CDH5: variants seen among roughly 807,000 people sequenced by gnomAD.
CDH5 encodes the protein cadherin 5.
In CDH5, 28 loss-of-function variants were observed where a neutral mutation model predicts 62.0. That is an observed-to-expected ratio of 0.45 (90% CI 0.33 to 0.62). The LOEUF (loss-of-function observed/expected upper bound fraction) is 0.62. CDH5 is among the 20% of genes least tolerant of loss of function. The probability of loss-of-function intolerance (pLI) is 0.02; values close to 1 mark genes in which losing one functional copy is unlikely to be tolerated. For missense variants in CDH5, 940 were observed against 1,065.1 expected, an observed-to-expected ratio of 0.88 and a Z score of 1.63; for synonymous variants, 464 against 445.8, an observed-to-expected ratio of 1.04 and a Z score of -0.52.
At chr16:66,388,138 G>C (rs1056559409) in intron 3 of CDH5, among the ~76,000 whole-genome samples, 186 bp from the exon 4 acceptor site, 1 of 152,050 alleles carries the variant, frequency 6.6e-6, no homozygotes, top group Non-Finnish European at 1.5e-5. Flanking sequence ...TGACCTGGCT[G>C]GGCCCCCACT....
In CDH5 at chr16:66,398,108, T is replaced by C. The variant is rs1033106635; in HGVS notation, c.1485+2T>C. On this transcript the variant is annotated splice_donor_variant, in intron 9 of 11. Coordinates refer to ENST00000341529, the MANE Select transcript of CDH5 (RefSeq NM_001795.5). LOFTEE classifies it high-confidence loss of function. The stretch of plus-strand genomic sequence containing the variant: ...TGTGAGAACGCTGTCCATGGCCAGG[T>C]GAGTCTGGTTCAGGTGGGAGGGGAA... 2.0e-5 allele frequency: 33 copies of C among 1,614,112 alleles called. No homozygotes were observed. The highest frequency in any genetic ancestry group is 2.8e-5 in the Non-Finnish European group (33 of 1,180,022).
intron 10 of CDH5, among the ~76,000 whole-genome samples, chr16:66,399,590 T>A (rs761040100): frequency 6.6e-6 from 1 of 152,140 alleles, no homozygotes; most frequent in Non-Finnish European, 1.5e-5. Context: ...TGACAGTCAA[T>A]GACAGACCAT....
chr16:66,369,535 AG>A (rs897310571), intron 1 of CDH5, among the ~76,000 whole-genome samples: 2 of 152,322 alleles, frequency 1.3e-5, no homozygotes, highest in African/African-American at 4.8e-5. Flanking sequence ...GCAGCTGGGC[AG>A]GTTCAAATAG....
Position 66,392,123 on chromosome 16 carries a change from T to C in CDH5, c.970-13T>C. 6.2e-7 allele frequency: 1 copy of C among 1,613,936 alleles called. No homozygotes were observed. The highest frequency in any genetic ancestry group is 8.5e-7 in the Non-Finnish European group (1 of 1,179,930). On this transcript the variant is annotated splice_polypyrimidine_tract_variant and intron_variant, in intron 6 of 11. Coordinates refer to ENST00000341529, the MANE Select transcript of CDH5 (RefSeq NM_001795.5). ...CCCAGAGCAGGCACTCACCATCCTTTTTCCTTACGCAGCCTCTGGATTATG... is the reference window on the plus strand; with the variant it reads ...CCCAGAGCAGGCACTCACCATCCTTCTTCCTTACGCAGCCTCTGGATTATG...
chr16:66,370,455 C>T (rs1960667067), intron 1 of CDH5, among the ~76,000 whole-genome samples: 1 of 152,150 alleles, frequency 6.6e-6, no homozygotes, highest in South Asian at 2.1e-4. Flanking sequence ...AACAATTGTA[C>T]CTACTCTGAC....
chr16:66,402,636 G>C lies in CDH5; in HGVS notation c.1838-16G>C, dbSNP rs1376245862. On this transcript the variant is annotated splice_polypyrimidine_tract_variant and intron_variant, in intron 11 of 11. Transcript: ENST00000341529. Reference sequence around the variant, plus strand: ...CCAGCCTTGTCTGACTCTGCTGCTCGGCTCCCTGGCTGCAGTGATCACCCT... The same window carrying C: ...CCAGCCTTGTCTGACTCTGCTGCTCCGCTCCCTGGCTGCAGTGATCACCCT... 1.3e-6 allele frequency: 2 copies of C among 1,553,180 alleles called. No homozygotes were observed. Among genetic ancestry groups the C allele is most frequent in the Admixed American group, 1.8e-5 (1 of 54,070 alleles).
intron 6 of CDH5, 124 bp from the exon 7 acceptor site, chr16:66,392,010 CCA>C: frequency 8.7e-7 from 1 of 1,148,482 alleles, no homozygotes. Context: ...CTTGTCGAGG[CCA>C]TGGGCCCCTC....
chr16:66,396,350 G>A, intron 8 of CDH5, 149 bp downstream of exon 8: 2 of 890,540 alleles, frequency 2.2e-6, no homozygotes, highest in Admixed American at 2.6e-5. Context: ...GAGCTCCCAT[G>A]CCCAAGTGTG....
At chr16:66,380,018 G>T (rs1380192192) in intron 2 of CDH5, among the ~76,000 whole-genome samples, 7 of 5,104 alleles carry the variant, frequency 1.4e-3, no homozygotes, top group South Asian at 0.014. Flanking sequence ...GGGGTAGGTG[G>T]TGGTGGTGAT....
intron 11 of CDH5, among the ~76,000 whole-genome samples, chr16:66,401,854 T>C (rs1961288881): frequency 6.6e-6 from 1 of 152,144 alleles, no homozygotes; most frequent in Non-Finnish European, 1.5e-5. Flanking sequence ...GAGGAAGCCC[T>C]CAGGTGATTA....
intron 7 of CDH5, chr16:66,395,497 T>C (rs2142337260): frequency 8.3e-6 from 1 of 121,112 alleles, no homozygotes; most frequent in South Asian, 2.9e-4. Context: ...AGGAAACTTT[T>C]CTTTTCTTTT....
Position 66,387,064 on chromosome 16 carries a change from T to C in CDH5, c.466T>C (p.Phe156Leu), listed in dbSNP as rs200571244. The change falls in exon 3 of 12, where the codon TTC becomes CTC. Residue 156 changes from phenylalanine to leucine, a missense_variant. Transcript: ENST00000341529. ...CTGGCCTGTGTTCACGCATCGGTTG[T>C]TCAATGCGTCCGTGCCTGAGTCGTC... ...DNWPVFTHRLFNASVPESSAV... is the reference protein window; with the variant it reads ...DNWPVFTHRLLNASVPESSAV... The C allele has an allele frequency of 3.5e-5, 56 of 1,613,898 alleles. No homozygotes were observed. The East Asian group carries it at 1.2e-3, about 36-fold the overall frequency.
chr16:66,370,037 G>A (rs990848362), intron 1 of CDH5, among the ~76,000 whole-genome samples: 1 of 152,070 alleles, frequency 6.6e-6, no homozygotes, highest in Non-Finnish European at 1.5e-5. Flanking sequence ...TTTTGCTCTT[G>A]TTGTCCAGGC....
chr16:66,389,564 AC>A, intron 5 of CDH5, 42 bp downstream of exon 5: 1 of 1,465,918 alleles, frequency 6.8e-7, no homozygotes, highest in South Asian at 1.4e-5. Flanking sequence ...GGGCTGGGAT[AC>A]CCCAGACTCA....
intron 2 of CDH5, among the ~76,000 whole-genome samples, chr16:66,381,152 A>G (rs1216222472): frequency 6.6e-6 from 1 of 152,048 alleles, no homozygotes. Context: ...ATTTTTGCCA[A>G]CTCCAGTCTA....
intron 6 of CDH5, among the ~76,000 whole-genome samples, 197 bp downstream of exon 6, chr16:66,390,787 G>A (rs557318391): frequency 6.6e-6 from 1 of 152,332 alleles, no homozygotes; most frequent in East Asian, 1.9e-4. Context: ...GGCCATGACT[G>A]GGTGTAAATT....
At chr16:66,382,954 C>G (rs536929323) in intron 2 of CDH5, among the ~76,000 whole-genome samples, 1 of 152,274 alleles carries the variant, frequency 6.6e-6, no homozygotes, top group African/African-American at 2.4e-5. Flanking sequence ...TGTTTAAATA[C>G]AGTGATCTTA....
chr16:66,378,894 T>C (rs1022410639), intron 1 of CDH5, among the ~76,000 whole-genome samples: 2 of 152,204 alleles, frequency 1.3e-5, no homozygotes, highest in Non-Finnish European at 2.9e-5. Flanking sequence ...AGGTTCCCTA[T>C]GGAAGCTGCT....
intron 7 of CDH5, among the ~76,000 whole-genome samples, chr16:66,395,018 CTTTTTTTTTTTTTTTTTTTTTTTTTT>C (rs1174519256): frequency 0.014 from 188 of 13,786 alleles, 2 homozygotes; most frequent in African/African-American, 0.032. Flanking sequence ...CCAGGCTAAT[CTTTTTTTTTTTTTTTTTTTTTTTTTT>C]TTTTTTTTTT....
Sources: gnomAD v4.1 joint callset for allele counts (sites outside exome capture counted in the v4.1 genomes callset) on GRCh38, gnomAD v4.1.1 for gene constraint, MANE v1.5 for transcripts, NCBI Gene and HGNC (gene_info 2026-07-23, HGNC 2026-07-21) for gene names.